Variants in CDH18 observed in about 807,000 individuals in gnomAD.
CDH18 encodes cadherin 18.
A neutral mutation model predicts 67.9 loss-of-function variants in CDH18; 31 were observed. The ratio of observed to expected loss-of-function variants is 0.46; its 90% CI spans 0.34 to 0.62. CDH18 has a LOEUF of 0.62. Ranked by LOEUF, CDH18 falls within the 20% of genes least tolerant of loss-of-function variation. The pLI is 0.01. For synonymous variants in CDH18, 362 were observed against 347.2 expected (o/e 1.04, Z -0.48); for missense variants, 890 against 975.5 (o/e 0.91, Z 1.17).
At chr5:19,900,994 C>G (rs1043595938) in intron 2 of CDH18, among the ~76,000 whole-genome samples, 40 of 152,178 alleles carry the variant, frequency 2.6e-4, no homozygotes, top group African/African-American at 9.6e-4. Context: ...CCTAGTGTGG[C>G]CTTGTGCCCT....
At chr5:19,609,665 T>A (rs752308105) in intron 6 of CDH18, among the ~76,000 whole-genome samples, 5 of 151,948 alleles carry the variant, frequency 3.3e-5, no homozygotes, top group Non-Finnish European at 7.4e-5. Context: ...GAAAAAACAC[T>A]TTGAGAGAAT....
intron 2 of CDH18, among the ~76,000 whole-genome samples, chr5:20,198,562 A>C (rs563550823): frequency 6.6e-6 from 1 of 152,290 alleles, no homozygotes; most frequent in African/African-American, 2.4e-5. Context: ...AAAGTTTGAA[A>C]AATTTGCAGC....
chr5:20,340,992 G>T (rs10941697), intron 1 of CDH18, among the ~76,000 whole-genome samples: 4 of 151,790 alleles, frequency 2.6e-5, no homozygotes, highest in Admixed American at 6.6e-5. Flanking sequence ...TCTTCCCCTG[G>T]TGGAGACCAA....
chr5:19,589,291 T>C (rs917198884), intron 7 of CDH18, among the ~76,000 whole-genome samples: 2 of 152,118 alleles, frequency 1.3e-5, no homozygotes, highest in Non-Finnish European at 2.9e-5. Flanking sequence ...CTGAACAGCG[T>C]CCCTTGGGAA....
intron 2 of CDH18, among the ~76,000 whole-genome samples, chr5:20,056,793 C>G (rs1742027606): frequency 6.7e-6 from 1 of 148,176 alleles, no homozygotes; most frequent in Non-Finnish European, 1.5e-5. Flanking sequence ...ACGCCATTCT[C>G]CTGCCTCAGT....
At chr5:20,139,586 T>A (rs1750057842) in intron 2 of CDH18, among the ~76,000 whole-genome samples, 3 of 152,014 alleles carry the variant, frequency 2.0e-5, no homozygotes, top group African/African-American at 4.8e-5. Flanking sequence ...AGGGCTGATA[T>A]CCAGAATCTA....
intron 2 of CDH18, among the ~76,000 whole-genome samples, chr5:19,970,948 C>T (rs906801423): frequency 4.0e-5 from 6 of 151,704 alleles, no homozygotes; most frequent in African/African-American, 1.4e-4. Context: ...TGCTATTTTA[C>T]AAGAAAACAA....
At chr5:20,298,540 A>G (rs1365011421) in intron 1 of CDH18, among the ~76,000 whole-genome samples, 1 of 152,200 alleles carries the variant, frequency 6.6e-6, no homozygotes, top group Non-Finnish European at 1.5e-5. Context: ...TCTCAAATTT[A>G]AAAGACAAAA....
At chr5:20,108,508 C>T (rs2126318362) in intron 2 of CDH18, among the ~76,000 whole-genome samples, 1 of 152,222 alleles carries the variant, frequency 6.6e-6, no homozygotes, top group South Asian at 2.1e-4. Flanking sequence ...TCCACCTTGT[C>T]AAAACAGTCA....
At chr5:19,642,374 T>A (rs1754133762) in intron 5 of CDH18, among the ~76,000 whole-genome samples, 2 of 151,888 alleles carry the variant, frequency 1.3e-5, no homozygotes, top group Non-Finnish European at 2.9e-5. Context: ...TCCAAAGCAA[T>A]CTTGAGTAAG....
chr5:19,493,138 C>T (rs1741741155), intron 11 of CDH18, among the ~76,000 whole-genome samples: 1 of 152,180 alleles, frequency 6.6e-6, no homozygotes, highest in Admixed American at 6.5e-5. Flanking sequence ...TAAAGTCAAA[C>T]CATGTTCTAC....
intron 1 of CDH18, among the ~76,000 whole-genome samples, chr5:20,390,668 C>T (rs1744767094): frequency 6.6e-6 from 1 of 152,160 alleles, no homozygotes; most frequent in Non-Finnish European, 1.5e-5. Flanking sequence ...AATCATGCTG[C>T]TATAAAGACA....
intron 2 of CDH18, among the ~76,000 whole-genome samples, chr5:20,024,655 C>G (rs1233872041): frequency 6.6e-6 from 1 of 152,108 alleles, no homozygotes; most frequent in African/African-American, 2.4e-5. Flanking sequence ...CATGTGTTGA[C>G]ATGATAAGGG....
At chr5:20,538,841 T>C (rs1429279638) in intron 1 of CDH18, among the ~76,000 whole-genome samples, 1 of 151,684 alleles carries the variant, frequency 6.6e-6, no homozygotes, top group African/African-American at 2.4e-5. Context: ...TACTGGAATT[T>C]TGAATTGAGG....
At position 20,375,912 on chromosome 5, in the gene CDH18, C is replaced by T. The variant is rs141906096; in HGVS notation, c.-579-120407G>A. ...TGGAAATATCTATCAACATCTATAA[C>T]TATATTCACAAAAAAGCTAGTAAAT... On this transcript the variant is annotated intron_variant, in intron 1 of 14. Coordinates refer to the CDH18 transcript ENST00000507958. 4.9e-3 allele frequency among the ~76,000 whole-genome samples: 745 copies of T among 151,658 alleles called. 5 individuals carry two copies. The highest frequency in any genetic ancestry group is 7.8e-3 in the Non-Finnish European group (529 of 67,888).
intron 3 of CDH18, among the ~76,000 whole-genome samples, chr5:19,767,096 A>T (rs1364070887): frequency 6.6e-6 from 1 of 151,840 alleles, no homozygotes; most frequent in Non-Finnish European, 1.5e-5. Flanking sequence ...AAAAATTTAA[A>T]AAACACAAAA....
At position 20,315,186 on chromosome 5, in the gene CDH18, C is replaced by A. The variant is rs111233420; in HGVS notation, c.-579-59681G>T. Among the ~76,000 whole-genome samples, 90 of 152,192 alleles carry A rather than the reference C, an allele frequency of 5.9e-4. 1 individual carries two copies. The highest frequency in any genetic ancestry group is 1.8e-3 in the African/African-American group (75 of 41,562). ...ACTACCATCTACCCAATTTCTCAAG[C>A]AAAGAATCTAGGAGTAGCTCATAAT... is the stretch of plus-strand genomic sequence containing the variant. On this transcript the variant is annotated intron_variant, in intron 1 of 14. Coordinates refer to the CDH18 transcript ENST00000507958.
intron 6 of CDH18, among the ~76,000 whole-genome samples, chr5:19,611,486 T>A (rs1580483441): frequency 6.6e-6 from 1 of 152,182 alleles, no homozygotes; most frequent in East Asian, 1.9e-4. Context: ...GTACAAAGTG[T>A]TATTATATTT....
At chr5:19,597,327 C>G (rs963491581) in intron 6 of CDH18, among the ~76,000 whole-genome samples, 1 of 152,178 alleles carries the variant, frequency 6.6e-6, no homozygotes, top group Admixed American at 6.5e-5. Flanking sequence ...TCCTGACCTA[C>G]AGAAATTGTG....
Sources: allele counts gnomAD v4.1 joint callset (sites outside exome capture counted in the v4.1 genomes callset), GRCh38; gene constraint gnomAD v4.1.1; transcripts MANE v1.5; gene names NCBI Gene and HGNC (gene_info 2026-07-23, HGNC 2026-07-21).